The following ZMIZ1 variants were observed in gnomAD, a reference collection of about 807,000 sequenced individuals.
ZMIZ1 encodes zinc finger MIZ-type containing 1.
In ZMIZ1, 17 loss-of-function variants were observed where a neutral mutation model predicts 113.9. That is an observed-to-expected ratio of 0.15 (90% CI 0.10 to 0.22). ZMIZ1 has a LOEUF of 0.22. Ranked by LOEUF, ZMIZ1 falls within the 10% of genes least tolerant of loss-of-function variation. The probability of loss-of-function intolerance (pLI) is 1.00; values close to 1 mark genes in which losing one functional copy is unlikely to be tolerated. For synonymous variants in ZMIZ1, 607 were observed against 603.1 expected, an observed-to-expected ratio of 1.01 and a Z score of -0.09; for missense variants, 1,059 against 1,477.8, an observed-to-expected ratio of 0.72 and a Z score of 4.65.
chr10:79,304,815 G>A (rs932147348), intron 19 of ZMIZ1, among the ~76,000 whole-genome samples: 9 of 152,152 alleles, frequency 5.9e-5, no homozygotes, highest in African/African-American at 2.2e-4. Context: ...ACTTGTCTTC[G>A]GTGCCTGGGC....
intron 2 of ZMIZ1, among the ~76,000 whole-genome samples, chr10:79,131,779 C>T (rs1248623571): frequency 3.3e-5 from 5 of 152,146 alleles, no homozygotes; most frequent in Admixed American, 1.3e-4. Flanking sequence ...GGAATGTCAT[C>T]GCAAGGGCCC....
At chr10:79,300,519 G>A (rs892619887) in intron 16 of ZMIZ1, among the ~76,000 whole-genome samples, 2 of 152,114 alleles carry the variant, frequency 1.3e-5, no homozygotes, top group South Asian at 4.1e-4. Context: ...AATGATTGGT[G>A]TGCGGGGGTC....
intron 4 of ZMIZ1, among the ~76,000 whole-genome samples, chr10:79,193,004 A>C (rs887128640): frequency 5.3e-5 from 8 of 152,002 alleles, no homozygotes; most frequent in African/African-American, 1.7e-4. Flanking sequence ...TCACTCTCCT[A>C]CTGTCCTTGC....
At chr10:79,085,392 C>T (rs1434792212) in intron 1 of ZMIZ1, among the ~76,000 whole-genome samples, 2 of 152,242 alleles carry the variant, frequency 1.3e-5, no homozygotes, top group Admixed American at 1.3e-4. Flanking sequence ...GTTGAGTTCC[C>T]ACCTGCCATT....
At chr10:79,205,554 G>A (rs1182069912) in intron 5 of ZMIZ1, among the ~76,000 whole-genome samples, 1 of 152,182 alleles carries the variant, frequency 6.6e-6, no homozygotes, top group African/African-American at 2.4e-5. Context: ...CTTTCCCTGG[G>A]CTCCTGCTCT....
rs1017976315 is a variant in ZMIZ1 at position 79,291,093 on chromosome 10, C to T, written c.675C>T (p.Ala225=). ...QFAGQQQQFS[A]KAGPAQPYIQ... ...CGGGGCAGCAGCAGCAGTTCTCAGCCAAGGCTGGCCCCGCTCAGCCCTACA... is the reference window on the plus strand; with the variant it reads ...CGGGGCAGCAGCAGCAGTTCTCAGCTAAGGCTGGCCCCGCTCAGCCCTACA... Residue 225 remains alanine, a synonymous_variant, in exon 10 of 25, where the codon GCC becomes GCT. Coordinates refer to ENST00000334512, the MANE Select transcript of ZMIZ1 (RefSeq NM_020338.4). 10 of 1,614,122 alleles carry T rather than the reference C, an allele frequency of 6.2e-6. No homozygotes were observed. The highest frequency in any genetic ancestry group is 1.7e-5 in the Admixed American group (1 of 60,018).
chr10:79,085,053 G>A (rs971989366), intron 1 of ZMIZ1, among the ~76,000 whole-genome samples: 47 of 152,148 alleles, frequency 3.1e-4, no homozygotes, highest in African/African-American at 8.4e-4. Flanking sequence ...TTCTGGTGCC[G>A]TGCCATGTAG....
intron 1 of ZMIZ1, among the ~76,000 whole-genome samples, chr10:79,093,171 C>T (rs946008): frequency 0.38 from 53,843 of 142,284 alleles, 11,351 homozygotes; most frequent in African/African-American, 0.56. Flanking sequence ...CACACACACA[C>T]ACACATATTC....
intron 7 of ZMIZ1, among the ~76,000 whole-genome samples, chr10:79,274,406 C>T (rs1398085750): frequency 6.6e-6 from 1 of 152,232 alleles, no homozygotes; most frequent in Non-Finnish European, 1.5e-5. Context: ...CCCAGACACC[C>T]GCCCAGCTGG....
intron 7 of ZMIZ1, among the ~76,000 whole-genome samples, chr10:79,275,920 G>A (rs944446903): frequency 6.6e-6 from 1 of 152,238 alleles, no homozygotes; most frequent in Non-Finnish European, 1.5e-5. Context: ...ACGTTGTGCA[G>A]CATCCAGATG....
intron 2 of ZMIZ1, 40 bp from the exon 3 acceptor site, chr10:79,139,642 C>T (rs758174608): frequency 2.3e-5 from 9 of 398,344 alleles, no homozygotes; most frequent in African/African-American, 6.2e-5. Context: ...GCACACCGGC[C>T]TGCTCTCACA....
chr10:79,240,690 C>T (rs2025627), intron 7 of ZMIZ1, among the ~76,000 whole-genome samples: 1 of 101,046 alleles, frequency 9.9e-6, no homozygotes, highest in Non-Finnish European at 1.8e-5. Context: ...AGTCTAAAAT[C>T]TCTGGTCTCA....
In ZMIZ1 at chr10:79,208,369, G is replaced by T; in HGVS notation, c.94G>T (p.Ala32Ser). 1.2e-6 allele frequency: 2 copies of T among 1,614,080 alleles called. No individual in the cohort carries two copies. The highest frequency in any genetic ancestry group is 1.7e-6 in the Non-Finnish European group (2 of 1,180,020). ...GAATCCTGCCAACTTCCACAATGCC[G>T]CCACGGAGCTGCTGGACTGGTGCGG... ...LQNPANFHNAATELLDWCGDP... is the reference protein window; with the variant it reads ...LQNPANFHNASTELLDWCGDP... The change falls in exon 6 of 25, where the codon GCC becomes TCC. Residue 32 changes from alanine to serine, a missense_variant. This residue lies in a region of ZMIZ1 where 272 missense variants were observed against 350.4 expected (regional missense o/e 0.78). Coordinates refer to ENST00000334512, the MANE Select transcript of ZMIZ1 (RefSeq NM_020338.4).
At chr10:79,152,099 C>T (rs149987364) in intron 3 of ZMIZ1, among the ~76,000 whole-genome samples, 325 of 152,322 alleles carry the variant, frequency 2.1e-3, no homozygotes, top group African/African-American at 7.6e-3. Flanking sequence ...TGACCTTGGG[C>T]AGGTCCCCTT....
intron 7 of ZMIZ1, among the ~76,000 whole-genome samples, chr10:79,237,868 G>A (rs1356780647): frequency 3.9e-5 from 6 of 152,202 alleles, no homozygotes; most frequent in Non-Finnish European, 2.9e-5. Flanking sequence ...CAAAGGAGGA[G>A]GTCGAGGCTC....
chr10:79,306,155 A>T lies in ZMIZ1; in HGVS notation c.2479A>T (p.Ile827Phe), dbSNP rs762985605. The T allele has an allele frequency of 1.2e-6, 2 of 1,614,004 alleles. No homozygotes were observed. The highest frequency in any genetic ancestry group is 1.7e-6 in the Non-Finnish European group (2 of 1,180,012). The part of the protein sequence containing the change: ...DPTCSWRPVP[I>F]KSDLHIKDDP... Reference sequence around the variant, plus strand: ...CACGTGCAGCTGGCGGCCGGTGCCCATCAAGTCGGACTTACACATCAAGGA... The same window carrying T: ...CACGTGCAGCTGGCGGCCGGTGCCCTTCAAGTCGGACTTACACATCAAGGA... The change falls in exon 22 of 25, where the codon ATC becomes TTC. Residue 827 changes from isoleucine (I) to phenylalanine (F), a missense_variant. By Grantham distance (21) the Ile-to-Phe change is conservative. Transcript: ENST00000334512.
chr10:79,187,017 C>G (rs1847377646), intron 4 of ZMIZ1, among the ~76,000 whole-genome samples: 1 of 152,250 alleles, frequency 6.6e-6, no homozygotes, highest in South Asian at 2.1e-4. Context: ...CTGGCCTCTG[C>G]AGTCTAGCCC....
chr10:79,235,333 C>T (rs1302018871), intron 7 of ZMIZ1, among the ~76,000 whole-genome samples: 1 of 152,198 alleles, frequency 6.6e-6, no homozygotes, highest in Non-Finnish European at 1.5e-5. Flanking sequence ...ATGAAGGACT[C>T]CTGGCAAACT....
At chr10:79,182,057 C>T (rs1847143298) in intron 4 of ZMIZ1, among the ~76,000 whole-genome samples, 1 of 152,190 alleles carries the variant, frequency 6.6e-6, no homozygotes, top group South Asian at 2.1e-4. Context: ...TGGGCTGGTC[C>T]CTGGTTCTGT....
Sources: gnomAD v4.1 joint callset for allele counts (sites outside exome capture counted in the v4.1 genomes callset) on GRCh38, gnomAD v4.1.1 for gene constraint, gnomAD v4.1.1 regional missense constraint, MANE v1.5 for transcripts, NCBI Gene and HGNC (gene_info 2026-07-23, HGNC 2026-07-21) for gene names.